FGF12: variants seen among roughly 807,000 people sequenced by gnomAD.
FGF12 encodes the protein fibroblast growth factor 12.
In FGF12, 14 loss-of-function variants were observed where a neutral mutation model predicts 23.6. The ratio of observed to expected loss-of-function variants is 0.59; its 90% CI spans 0.39 to 0.93. FGF12 has a LOEUF of 0.93. FGF12 is among the 40% of genes least tolerant of loss of function. The probability of loss-of-function intolerance (pLI) is 0.00; values close to 1 mark genes in which losing one functional copy is unlikely to be tolerated. For synonymous variants in FGF12, 62 were observed against 77.3 expected, an observed-to-expected ratio of 0.80 and a Z score of 1.04; for missense variants, 175 against 217.8, an observed-to-expected ratio of 0.80 and a Z score of 1.24.
At chr3:192,692,406 T>C (rs1313196560) in intron 2 of FGF12, among the ~76,000 whole-genome samples, 1 of 152,092 alleles carries the variant, frequency 6.6e-6, no homozygotes, top group Non-Finnish European at 1.5e-5. Context: ...ATATAAAAGA[T>C]TAAAAACCAC....
chr3:192,303,147 A>G (rs1185248563), intron 4 of FGF12, among the ~76,000 whole-genome samples: 2 of 152,350 alleles, frequency 1.3e-5, no homozygotes, highest in Non-Finnish European at 2.9e-5. Flanking sequence ...TCTGCATTTC[A>G]TATGTTAATT....
chr3:192,715,066 C>A (rs759166033), intron 2 of FGF12, among the ~76,000 whole-genome samples: 4 of 152,156 alleles, frequency 2.6e-5, no homozygotes, highest in Non-Finnish European at 5.9e-5. Flanking sequence ...GTACGTATAT[C>A]TTGCTTTGCA....
chr3:192,460,584 T>A (rs879900565), intron 2 of FGF12, among the ~76,000 whole-genome samples: 6 of 151,428 alleles, frequency 4.0e-5, no homozygotes, highest in Admixed American at 3.3e-4. Flanking sequence ...GCTTTCCGAA[T>A]CTCCCCTCTG....
intron 2 of FGF12, among the ~76,000 whole-genome samples, chr3:192,726,085 G>C (rs1719204785): frequency 6.6e-6 from 1 of 152,072 alleles, no homozygotes; most frequent in Admixed American, 6.6e-5. Flanking sequence ...ACACTTTATT[G>C]AACATAGAAC....
At chr3:192,262,453 A>G (rs563577596) in intron 4 of FGF12, among the ~76,000 whole-genome samples, 1 of 152,178 alleles carries the variant, frequency 6.6e-6, no homozygotes, top group Non-Finnish European at 1.5e-5. Context: ...ATTATGGTAT[A>G]TATAGTTGTG....
At chr3:192,643,162 T>C (rs1267828216) in intron 2 of FGF12, among the ~76,000 whole-genome samples, 1 of 152,226 alleles carries the variant, frequency 6.6e-6, no homozygotes, top group African/African-American at 2.4e-5. Flanking sequence ...TATTCTAAGC[T>C]TCTGAAAACA....
intron 4 of FGF12, among the ~76,000 whole-genome samples, chr3:192,253,652 T>G (rs571179090): frequency 6.6e-6 from 1 of 152,178 alleles, no homozygotes; most frequent in South Asian, 2.1e-4. Flanking sequence ...GGGGAAATGG[T>G]GTTATTCAAA....
At chr3:192,574,082 G>A (rs1408496570) in intron 2 of FGF12, among the ~76,000 whole-genome samples, 1 of 152,204 alleles carries the variant, frequency 6.6e-6, no homozygotes, top group Non-Finnish European at 1.5e-5. Context: ...GAGCTATAAA[G>A]CTAGATGCTG....
chr3:192,595,573 C>T (rs2108626090), intron 2 of FGF12, among the ~76,000 whole-genome samples: 1 of 152,338 alleles, frequency 6.6e-6, no homozygotes, highest in East Asian at 1.9e-4. Flanking sequence ...TGCTGGGCTA[C>T]ACCCCAGAGT....
At chr3:192,366,206 G>A (rs76390593) in intron 2 of FGF12, among the ~76,000 whole-genome samples, 3,957 of 152,158 alleles carry the variant, frequency 0.026, 190 homozygotes, top group African/African-American at 0.091. Flanking sequence ...GGAGGGGAGA[G>A]TATCTAGCTG....
chr3:192,369,755 A>G (rs2108742141), intron 2 of FGF12, among the ~76,000 whole-genome samples: 1 of 152,340 alleles, frequency 6.6e-6, no homozygotes, highest in Non-Finnish European at 1.5e-5. Context: ...AAGATGAGTA[A>G]GATGCAATTC....
chr3:192,498,005 G>GAC (rs75943979), intron 2 of FGF12, among the ~76,000 whole-genome samples: 128,522 of 152,038 alleles, frequency 0.85, 54,733 homozygotes, highest in East Asian at 0.91. Flanking sequence ...ATAAATGAAA[G>GAC]AGCAAATTCA....
rs1721072226 is a variant in FGF12 at position 192,408,713 on chromosome 3, C to T, written c.14-48175G>A. 2 of 987,624 alleles carry T rather than the reference C, an allele frequency of 2.0e-6. No individual in the cohort carries two copies. The highest frequency in any genetic ancestry group is 2.4e-6 in the Non-Finnish European group (2 of 831,684). The allele number at this position is 987,624 out of a possible 1,614,324, so 61.2% of individuals were successfully genotyped here. On this transcript the variant is annotated intron_variant, in intron 2 of 5. Coordinates refer to ENST00000445105, the MANE Select transcript of FGF12 (RefSeq NM_004113.6). The surrounding 1 kb of genome is among the most constrained non-coding windows in gnomAD (Gnocchi z 7.3). Reference sequence around the variant, plus strand: ...AGAAAACCCGTTTACAAAGCAGAGTCTGGACCCAGGCGGGTAGCGCGCCCC... The same window carrying T: ...AGAAAACCCGTTTACAAAGCAGAGTTTGGACCCAGGCGGGTAGCGCGCCCC...
chr3:192,636,332 A>T (rs1200281995), intron 2 of FGF12, among the ~76,000 whole-genome samples: 1 of 152,226 alleles, frequency 6.6e-6, no homozygotes, highest in African/African-American at 2.4e-5. Flanking sequence ...GTTTTATTTC[A>T]AGTTCCACAT....
intron 2 of FGF12, among the ~76,000 whole-genome samples, chr3:192,711,528 T>A (rs920613980): frequency 2.0e-5 from 3 of 152,152 alleles, no homozygotes; most frequent in Admixed American, 1.3e-4. Flanking sequence ...GGGGAAAAGA[T>A]AGAGAAATCA....
chr3:192,265,452 A>G (rs1332759297), intron 4 of FGF12: 1 of 152,138 alleles, frequency 6.6e-6, no homozygotes. Flanking sequence ...ATTTCTCATG[A>G]TAAGTATTGA....
intron 4 of FGF12, among the ~76,000 whole-genome samples, chr3:192,308,868 T>C (rs1239599551): frequency 3.3e-5 from 5 of 152,254 alleles, no homozygotes; most frequent in African/African-American, 1.2e-4. Flanking sequence ...TAGAATTATA[T>C]AAAAGAAATT....
At chr3:192,585,846 C>T (rs1713352604) in intron 2 of FGF12, among the ~76,000 whole-genome samples, 1 of 152,072 alleles carries the variant, frequency 6.6e-6, no homozygotes, top group Admixed American at 6.6e-5. Context: ...GATGAAACCC[C>T]ATGATTACTT....
At chr3:192,326,632 T>C (rs981962078) in intron 4 of FGF12, among the ~76,000 whole-genome samples, 1 of 152,220 alleles carries the variant, frequency 6.6e-6, no homozygotes, top group African/African-American at 2.4e-5. Flanking sequence ...AGTCTCTCTT[T>C]CATTTTTGTT....
Sources: gnomAD v4.1 joint callset for allele counts (sites outside exome capture counted in the v4.1 genomes callset) on GRCh38, gnomAD v4.1.1 for gene constraint, Gnocchi (gnomAD v3.1) non-coding constraint, MANE v1.5 for transcripts, NCBI Gene and HGNC (gene_info 2026-07-23, HGNC 2026-07-21) for gene names.